SGCD: variants seen among roughly 807,000 people sequenced by gnomAD.
SGCD encodes delta-sarcoglycan.
A neutral mutation model predicts 36.6 loss-of-function variants in SGCD; 18 were observed. The observed-to-expected ratio is 0.49, with a 90% CI of 0.34 to 0.73. The LOEUF (loss-of-function observed/expected upper bound fraction) is 0.73. SGCD is among the 30% of genes least tolerant of loss of function. The pLI is 0.01. For missense variants in SGCD, 387 were observed against 346.7 expected (o/e 1.12, Z -0.92); for synonymous variants, 133 against 130.6 (o/e 1.02, Z -0.12).
the SGCD span, among the ~76,000 whole-genome samples, chr5:155,742,008 A>G: frequency 6.6e-6 from 1 of 152,054 alleles, no homozygotes; most frequent in Non-Finnish European, 1.5e-5. Context: ...TTTCGGGTTT[A>G]CTTTGGAATG....
intron 3 of SGCD, among the ~76,000 whole-genome samples, chr5:156,224,875 C>G (rs1297202605): frequency 1.3e-5 from 2 of 151,978 alleles, no homozygotes; most frequent in Admixed American, 1.3e-4. Context: ...CTTTCTGTAC[C>G]TATTGTACAA....
chr5:156,142,986 G>T (rs1350890673), intron 3 of SGCD, among the ~76,000 whole-genome samples: 1 of 152,240 alleles, frequency 6.6e-6, no homozygotes, highest in East Asian at 1.9e-4. Context: ...GAAACGGACT[G>T]GAAGGCATTT....
At chr5:156,596,175 G>C in intron 6 of SGCD, among the ~76,000 whole-genome samples, 1 of 152,156 alleles carries the variant, frequency 6.6e-6, no homozygotes, top group Non-Finnish European at 1.5e-5. Context: ...AACAGTAGGT[G>C]CTGCTGCTGC....
At chr5:156,445,614 C>A (rs142276488) in intron 3 of SGCD, among the ~76,000 whole-genome samples, 1 of 152,120 alleles carries the variant, frequency 6.6e-6, no homozygotes, top group Non-Finnish European at 1.5e-5. Flanking sequence ...GTTCTCCCCC[C>A]GTACTATTTG....
intron 3 of SGCD, among the ~76,000 whole-genome samples, chr5:156,481,238 A>G (rs556450160): frequency 5.9e-5 from 9 of 152,312 alleles, no homozygotes; most frequent in African/African-American, 2.2e-4. Context: ...AGGACTGGCT[A>G]GTGACAAGTA....
At chr5:155,816,260 C>G in the SGCD span, among the ~76,000 whole-genome samples, 1 of 152,054 alleles carries the variant, frequency 6.6e-6, no homozygotes, top group Non-Finnish European at 1.5e-5. Context: ...ACTTTTGACT[C>G]CCCCAAAACT....
chr5:156,038,299 A>C (rs1291656306), intron 1 of SGCD, among the ~76,000 whole-genome samples: 1 of 152,182 alleles, frequency 6.6e-6, no homozygotes, highest in Non-Finnish European at 1.5e-5. Flanking sequence ...AGACAGGGAA[A>C]GATGAAGAGA....
chr5:155,919,142 A>G (rs1016951392), intron 1 of SGCD, among the ~76,000 whole-genome samples: 2 of 152,374 alleles, frequency 1.3e-5, no homozygotes, highest in Middle Eastern at 3.4e-3. Flanking sequence ...TAAAAATAAC[A>G]TAAGACAGAA....
intron 3 of SGCD, among the ~76,000 whole-genome samples, chr5:156,353,250 T>G (rs1023474783): frequency 8.5e-5 from 13 of 152,196 alleles, no homozygotes; most frequent in African/African-American, 3.1e-4. Flanking sequence ...GAGAAAATTA[T>G]GAATAGGCAG....
intron 7 of SGCD, among the ~76,000 whole-genome samples, chr5:156,652,465 G>C (rs1763497581): frequency 6.6e-6 from 1 of 152,060 alleles, no homozygotes; most frequent in Non-Finnish European, 1.5e-5. Context: ...CTCTAGCCTG[G>C]TGGCAGAGCA....
intron 4 of SGCD, among the ~76,000 whole-genome samples, chr5:156,539,067 T>A (rs945584002): frequency 3.9e-5 from 6 of 151,920 alleles, no homozygotes; most frequent in African/African-American, 1.5e-4. Context: ...CTGGGGTCCT[T>A]CTAAAATCAG....
Position 156,757,611 on chromosome 5 carries a change from G to A in SGCD, c.606G>A (p.Met202Ile), listed in dbSNP as rs1003668823. ...RLESPTRSLV[M>I]EAPKGVEINA... ...AGTCCCCAACCCGGTCTCTAGTGAT[G>A]GAGGCCCCAAAAGGAGTGGAAATCA... Residue 202 changes from methionine to isoleucine, a missense_variant, in exon 8 of 9, where the codon ATG becomes ATA. By Grantham distance (10) the Met-to-Ile change is conservative (BLOSUM62 1). Coordinates refer to ENST00000337851, the MANE Select transcript of SGCD (RefSeq NM_000337.6). 14 of 1,611,558 alleles carry A rather than the reference G, an allele frequency of 8.7e-6. No individual in the cohort carries two copies. Among genetic ancestry groups the A allele is most frequent in the Non-Finnish European group, 1.1e-5 (13 of 1,178,800 alleles).
intron 3 of SGCD, among the ~76,000 whole-genome samples, chr5:156,383,514 AAAAG>A (rs1320188336): frequency 6.6e-6 from 1 of 152,018 alleles, no homozygotes; most frequent in Non-Finnish European, 1.5e-5. Flanking sequence ...TTAAAAAAGA[AAAAG>A]AAAGAAAGAA....
At chr5:155,800,256 G>T in the SGCD span, among the ~76,000 whole-genome samples, 1 of 152,126 alleles carries the variant, frequency 6.6e-6, no homozygotes, top group Non-Finnish European at 1.5e-5. Context: ...GTTGCTCAAT[G>T]CTGTATCCTC....
At chr5:156,345,175 G>A (rs1411581402) in intron 3 of SGCD, among the ~76,000 whole-genome samples, 7 of 151,952 alleles carry the variant, frequency 4.6e-5, no homozygotes, top group South Asian at 2.1e-4. Flanking sequence ...TGGGTTTTTC[G>A]GAGGACGATC....
At chr5:156,664,263 A>T (rs1764053144) in intron 7 of SGCD, among the ~76,000 whole-genome samples, 1 of 108,956 alleles carries the variant, frequency 9.2e-6, no homozygotes, top group Admixed American at 9.7e-5. Flanking sequence ...CTGAGATTAC[A>T]TCTGATCCTG....
chr5:156,160,866 A>T (rs1203307609), intron 3 of SGCD, among the ~76,000 whole-genome samples: 1 of 151,718 alleles, frequency 6.6e-6, no homozygotes, highest in Non-Finnish European at 1.5e-5. Context: ...ATTAGAGGCC[A>T]GCAAATTTTT....
At chr5:155,907,287 G>A (rs1359483887) in intron 1 of SGCD, among the ~76,000 whole-genome samples, 1 of 152,066 alleles carries the variant, frequency 6.6e-6, no homozygotes, top group Non-Finnish European at 1.5e-5. Context: ...ATCCCTGATG[G>A]GGATGTACAA....
the SGCD span, among the ~76,000 whole-genome samples, chr5:155,753,208 G>A: frequency 0.044 from 6,692 of 152,054 alleles, 192 homozygotes; most frequent in Middle Eastern, 0.13. Flanking sequence ...ATGGTGGCAC[G>A]CGCCTGTAGT....
Sources: allele counts gnomAD v4.1 joint callset (sites outside exome capture counted in the v4.1 genomes callset), GRCh38; gene constraint gnomAD v4.1.1; transcripts MANE v1.5; gene names NCBI Gene and HGNC (gene_info 2026-07-23, HGNC 2026-07-21).